MAPKAP1: variants seen among roughly 807,000 people sequenced by gnomAD.
The protein encoded by MAPKAP1 is target of rapamycin complex 2 subunit MAPKAP1.
In MAPKAP1, 20 loss-of-function variants were observed where a neutral mutation model predicts 65.7. That is an observed-to-expected ratio of 0.30 (90% confidence interval 0.21 to 0.44). MAPKAP1 has a LOEUF of 0.44. Among genes scored for constraint, MAPKAP1 ranks in the 20% least tolerant of loss-of-function variants. The pLI, the probability that MAPKAP1 is intolerant of heterozygous loss-of-function variation, is 1.00. For missense variants in MAPKAP1, 423 were observed against 648.0 expected (o/e 0.65, Z 3.77); for synonymous variants, 222 against 244.3 (o/e 0.91, Z 0.85).
intron 4 of MAPKAP1, among the ~76,000 whole-genome samples, chr9:125,645,969 A>G (rs1429885374): frequency 2.0e-5 from 3 of 152,136 alleles, no homozygotes; most frequent in African/African-American, 4.8e-5. Context: ...ATTTTTTGAG[A>G]TAATTGTGAT....
chr9:125,511,588 T>C (rs1829302671), intron 7 of MAPKAP1, among the ~76,000 whole-genome samples: 1 of 152,212 alleles, frequency 6.6e-6, no homozygotes, highest in African/African-American at 2.4e-5. Context: ...CTCCATCAAA[T>C]ACTTGTTTAA....
intron 6 of MAPKAP1, 31 bp downstream of exon 6, chr9:125,559,602 T>C: frequency 6.3e-7 from 1 of 1,575,674 alleles, no homozygotes. Flanking sequence ...TGGGATGAGA[T>C]ACCGAGAGAA....
intron 4 of MAPKAP1, among the ~76,000 whole-genome samples, chr9:125,646,754 G>T (rs1350100056): frequency 6.6e-6 from 1 of 152,180 alleles, no homozygotes; most frequent in Admixed American, 6.5e-5. Context: ...AAGAGAAAAT[G>T]AAAGTCAGCA....
intron 7 of MAPKAP1, among the ~76,000 whole-genome samples, chr9:125,521,303 T>TC (rs11373566): frequency 0.51 from 77,234 of 151,940 alleles, 20,316 homozygotes; most frequent in African/African-American, 0.66. Context: ...AATTTTTTTT[T>TC]CTCCTTGAAA....
At chr9:125,643,964 T>C (rs1833651688) in intron 4 of MAPKAP1, among the ~76,000 whole-genome samples, 2 of 152,222 alleles carry the variant, frequency 1.3e-5, no homozygotes, top group Non-Finnish European at 2.9e-5. Flanking sequence ...AAGCATGTTT[T>C]TGCAAGACAA....
At chr9:125,631,475 C>A (rs1211991383) in intron 4 of MAPKAP1, among the ~76,000 whole-genome samples, 1 of 152,172 alleles carries the variant, frequency 6.6e-6, no homozygotes, top group Non-Finnish European at 1.5e-5. Context: ...ATGCCCCACC[C>A]GGTTCCTAGT....
At chr9:125,514,570 G>A (rs1000593426) in intron 7 of MAPKAP1, among the ~76,000 whole-genome samples, 5 of 152,150 alleles carry the variant, frequency 3.3e-5, no homozygotes, top group African/African-American at 9.7e-5. Flanking sequence ...CCTGGCTGCC[G>A]AGCAAGTCTC....
At chr9:125,542,033 T>G (rs1158173788) in intron 7 of MAPKAP1, among the ~76,000 whole-genome samples, 3 of 152,196 alleles carry the variant, frequency 2.0e-5, no homozygotes, top group Non-Finnish European at 4.4e-5. Flanking sequence ...GCAGGTCTCA[T>G]CTACAACCGC....
intron 9 of MAPKAP1, among the ~76,000 whole-genome samples, chr9:125,473,667 G>A (rs562221133): frequency 5.2e-4 from 79 of 152,300 alleles, no homozygotes; most frequent in African/African-American, 1.7e-3. Context: ...AATTAGCACC[G>A]CGTAGCATCT....
rs1173060020 is a variant in MAPKAP1, at chr9:125,672,214, CG to C, written c.259+101del. The C allele has an allele frequency of 1.3e-5, 17 of 1,328,866 alleles. No individual in the cohort carries two copies. In the East Asian group the frequency reaches 3.5e-4, roughly 28 times the overall value. The allele number at this position is 1,328,866 out of a possible 1,614,324, so 82.3% of individuals were successfully genotyped here. ...ACATATGCATGTTCCTATTAATACC[CG>C]GAAACATCCCCCATTAAGCCTATTC... On this transcript the variant is annotated intron_variant, in intron 2 of 11. Coordinates refer to ENST00000265960, the MANE Select transcript of MAPKAP1 (RefSeq NM_001006617.3).
intron 8 of MAPKAP1, among the ~76,000 whole-genome samples, chr9:125,485,886 A>C (rs1228107077): frequency 6.6e-6 from 1 of 152,130 alleles, no homozygotes; most frequent in African/African-American, 2.4e-5. Flanking sequence ...TTCACATCCA[A>C]ATTTAGGTAA....
intron 4 of MAPKAP1, among the ~76,000 whole-genome samples, chr9:125,648,419 T>C (rs1833793255): frequency 6.6e-6 from 1 of 152,206 alleles, no homozygotes; most frequent in Non-Finnish European, 1.5e-5. Flanking sequence ...AACTCTGGAA[T>C]CTTAAAGCCA....
At chr9:125,483,095 C>G (rs1225732705) in intron 9 of MAPKAP1, among the ~76,000 whole-genome samples, 1 of 152,192 alleles carries the variant, frequency 6.6e-6, no homozygotes, top group Non-Finnish European at 1.5e-5. Flanking sequence ...TGCCTCCCAA[C>G]TAACAGCTCT....
intron 7 of MAPKAP1, among the ~76,000 whole-genome samples, chr9:125,528,428 C>A (rs1829834469): frequency 6.6e-6 from 1 of 152,186 alleles, no homozygotes; most frequent in African/African-American, 2.4e-5. Context: ...GTGCTGGTAG[C>A]CCAATTAGGA....
chr9:125,501,830 C>G (rs962862968), intron 8 of MAPKAP1, among the ~76,000 whole-genome samples: 11 of 152,022 alleles, frequency 7.2e-5, no homozygotes, highest in Non-Finnish European at 1.5e-5. Flanking sequence ...AAGACAGGAT[C>G]TTAATGTTTA....
chr9:125,555,704 A>G lies in MAPKAP1; in HGVS notation c.848+3929T>C, dbSNP rs543505870. The stretch of plus-strand genomic sequence containing the variant: ...TGGGTGCTCAGGATACAGAGAGACA[A>G]TAAGACTGTGCCTTCCTAGTCTTCA... On this transcript the variant is annotated intron_variant, in intron 6 of 11. Transcript: ENST00000265960. 5.3e-5 allele frequency among the ~76,000 whole-genome samples: 8 copies of G among 152,346 alleles called. No homozygotes were observed. The South Asian group carries it at 1.7e-3, about 32-fold the overall frequency.
chr9:125,503,995 C>T (rs1829066492), intron 8 of MAPKAP1, among the ~76,000 whole-genome samples: 1 of 151,016 alleles, frequency 6.6e-6, no homozygotes, highest in African/African-American at 2.4e-5. Context: ...CCTCAGCCTC[C>T]CAAAGTGCTG....
intron 4 of MAPKAP1, among the ~76,000 whole-genome samples, chr9:125,590,850 T>C (rs1415365388): frequency 6.6e-6 from 1 of 152,010 alleles, no homozygotes; most frequent in Admixed American, 6.6e-5. Flanking sequence ...CTCAGCTCAA[T>C]GCAACCTCCA....
chr9:125,487,973 G>A (rs949375133), intron 8 of MAPKAP1, among the ~76,000 whole-genome samples: 1 of 152,138 alleles, frequency 6.6e-6, no homozygotes, highest in Admixed American at 6.5e-5. Flanking sequence ...TTAATAATGG[G>A]CAGATGAGAT....
Sources: allele counts gnomAD v4.1 joint callset (sites outside exome capture counted in the v4.1 genomes callset), GRCh38; gene constraint gnomAD v4.1.1; transcripts MANE v1.5; gene names NCBI Gene and HGNC (gene_info 2026-07-23, HGNC 2026-07-21).